The following SPOCK3 variants were observed in gnomAD, a reference collection of about 807,000 sequenced individuals.
The protein encoded by SPOCK3 is SPARC (osteonectin), cwcv and kazal like domains proteoglycan 3.
Under a neutral mutation model 56.6 loss-of-function variants are expected in SPOCK3, and 30 were observed. That is an observed-to-expected ratio of 0.53 (90% CI 0.40 to 0.72). SPOCK3 has a LOEUF of 0.72. SPOCK3 is among the 30% of genes least tolerant of loss of function. The pLI, the probability that SPOCK3 is intolerant of heterozygous loss-of-function variation, is 0.00. For missense variants in SPOCK3, 527 were observed against 530.0 expected, an observed-to-expected ratio of 0.99 and a Z score of 0.06; for synonymous variants, 196 against 183.3, an observed-to-expected ratio of 1.07 and a Z score of -0.56.
rs184706510 is a variant in SPOCK3 at position 166,977,231 on chromosome 4, T to C, written c.350+23118A>G. ...GGTTTATAATTTATTTATAATCATG[T>C]TGTATTTAATAGAGATGTACAAGTT... is the stretch of plus-strand genomic sequence containing the variant. On this transcript the variant is annotated intron_variant, in intron 4 of 10. Coordinates refer to ENST00000357545, the MANE Select transcript of SPOCK3 (RefSeq NM_001040159.2). Among the ~76,000 whole-genome samples, 4 of 152,242 alleles carry C rather than the reference T, an allele frequency of 2.6e-5. No homozygotes were observed. The East Asian group carries it at 7.7e-4, about 29-fold the overall frequency.
intron 3 of SPOCK3, among the ~76,000 whole-genome samples, chr4:167,033,670 A>C (rs2150185453): frequency 6.6e-6 from 1 of 152,056 alleles, no homozygotes; most frequent in Non-Finnish European, 1.5e-5. Flanking sequence ...GTATTCCCAA[A>C]ACACATGAAT....
At position 167,009,372 on chromosome 4, in the gene SPOCK3, T is replaced by C. The variant is rs1397386945; in HGVS notation, c.236-8909A>G. Among the ~76,000 whole-genome samples, 7 of 152,034 alleles carry C rather than the reference T, an allele frequency of 4.6e-5. No homozygotes were observed. The East Asian group carries it at 1.4e-3, about 29-fold the overall frequency. On this transcript the variant is annotated intron_variant, in intron 3 of 10. Coordinates refer to ENST00000357545, the MANE Select transcript of SPOCK3 (RefSeq NM_001040159.2). ...GCCCAGCAACTAACCAAAATAAACA[T>C]AAAATTGCAAGTGTATCCAGACACT...
At chr4:166,766,206 C>T (rs1040083898) in intron 7 of SPOCK3, among the ~76,000 whole-genome samples, 2 of 152,288 alleles carry the variant, frequency 1.3e-5, no homozygotes, top group South Asian at 4.1e-4. Context: ...TTGCCCTGGC[C>T]TGAAATTCCA....
intron 4 of SPOCK3, among the ~76,000 whole-genome samples, chr4:166,944,536 C>CT (rs1352337218): frequency 6.6e-6 from 1 of 151,926 alleles, no homozygotes; most frequent in Non-Finnish European, 1.5e-5. Flanking sequence ...CTTCAGTGTT[C>CT]TTTTTTTCTT....
At chr4:166,740,609 T>A (rs1734741506) in intron 9 of SPOCK3, among the ~76,000 whole-genome samples, 1 of 151,814 alleles carries the variant, frequency 6.6e-6, no homozygotes, top group Non-Finnish European at 1.5e-5. Context: ...CACTGCAACA[T>A]CTTCCTCCCC....
intron 8 of SPOCK3, among the ~76,000 whole-genome samples, chr4:166,750,944 AT>A (rs937071504): frequency 1.1e-4 from 17 of 152,182 alleles, no homozygotes; most frequent in Non-Finnish European, 2.2e-4. Flanking sequence ...AGTTGGCAGC[AT>A]ATGGCTGCAC....
At chr4:167,151,759 A>G (rs1048723764) in intron 2 of SPOCK3, among the ~76,000 whole-genome samples, 1 of 152,084 alleles carries the variant, frequency 6.6e-6, no homozygotes, top group African/African-American at 2.4e-5. Context: ...CTTAATTTCA[A>G]TGTCATAGAA....
At chr4:166,819,356 A>T (rs886461195) in intron 6 of SPOCK3, among the ~76,000 whole-genome samples, 4 of 152,060 alleles carry the variant, frequency 2.6e-5, no homozygotes, top group Non-Finnish European at 2.9e-5. Context: ...CAACATAGTG[A>T]TGGGGCTTTC....
intron 2 of SPOCK3, among the ~76,000 whole-genome samples, chr4:167,202,604 C>A: frequency 6.6e-6 from 1 of 151,794 alleles, no homozygotes; most frequent in East Asian, 1.9e-4. Flanking sequence ...ATAATTCTCC[C>A]TCTGATTTTT....
intron 5 of SPOCK3, among the ~76,000 whole-genome samples, chr4:166,901,569 T>C (rs367740940): frequency 6.6e-6 from 1 of 152,190 alleles, no homozygotes; most frequent in South Asian, 2.1e-4. Flanking sequence ...CACAGTCCAC[T>C]GACCAGATAT....
chr4:166,768,858 C>G (rs1190447850), intron 7 of SPOCK3, among the ~76,000 whole-genome samples: 1 of 152,124 alleles, frequency 6.6e-6, no homozygotes. Flanking sequence ...TCACATAGTC[C>G]CATATTTGTT....
intron 2 of SPOCK3, among the ~76,000 whole-genome samples, chr4:167,087,941 A>G (rs923076149): frequency 6.6e-6 from 1 of 152,142 alleles, no homozygotes; most frequent in South Asian, 2.1e-4. Context: ...TTATGGAACC[A>G]GAAAAAGATG....
chr4:166,789,509 A>G, intron 7 of SPOCK3, among the ~76,000 whole-genome samples: 1 of 152,136 alleles, frequency 6.6e-6, no homozygotes, highest in Non-Finnish European at 1.5e-5. Flanking sequence ...AAAAATCAAA[A>G]CCAAACTATG....
chr4:167,219,415 AAGCAAAAGTG>A (rs992178583), intron 2 of SPOCK3, among the ~76,000 whole-genome samples: 1 of 152,222 alleles, frequency 6.6e-6, no homozygotes, highest in Non-Finnish European at 1.5e-5. Flanking sequence ...GGTAATAGAA[AAGCAAAAGTG>A]AGCTGTGATT....
At chr4:167,173,448 A>G (rs1317860934) in intron 2 of SPOCK3, among the ~76,000 whole-genome samples, 2 of 152,154 alleles carry the variant, frequency 1.3e-5, no homozygotes, top group Non-Finnish European at 2.9e-5. Context: ...AAGAAGTGTT[A>G]GTCTTTTTCC....
chr4:166,911,651 C>T, intron 5 of SPOCK3, among the ~76,000 whole-genome samples: 1 of 152,170 alleles, frequency 6.6e-6, no homozygotes, highest in East Asian at 1.9e-4. Context: ...CATTCTTCTG[C>T]CTCAGCCTCC....
Position 167,234,000 on chromosome 4 carries a change from C to T in SPOCK3, c.174G>A (p.Trp58Ter). 1 of 1,613,690 alleles carries T rather than the reference C, an allele frequency of 6.2e-7. No individual in the cohort carries two copies. The highest frequency in any genetic ancestry group is 8.5e-7 in the Non-Finnish European group (1 of 1,179,680). The change falls in exon 2 of 11, where the codon TGG becomes TGA. Residue 58 changes from tryptophan (W) to a stop codon, truncating the protein, a stop_gained. Coordinates refer to ENST00000357545, the MANE Select transcript of SPOCK3 (RefSeq NM_001040159.2). LOFTEE classifies it high-confidence loss of function. Reference sequence around the variant, plus strand: ...CGGAACTTACGTCTCGGAATTTGTTCCACTGTCCGACTTCCTTGTCATACT... The same window carrying T: ...CGGAACTTACGTCTCGGAATTTGTTTCACTGTCCGACTTCCTTGTCATACT... ...ISQYDKEVGQ[W>*]NKFRDDDYFR...
chr4:166,865,038 A>T (rs533139477), intron 6 of SPOCK3, among the ~76,000 whole-genome samples: 1 of 152,290 alleles, frequency 6.6e-6, no homozygotes, highest in Admixed American at 6.5e-5. Flanking sequence ...TCCCTAATAA[A>T]ACACTGGCAA....
At chr4:167,084,267 T>G (rs1411850521) in intron 2 of SPOCK3, among the ~76,000 whole-genome samples, 1 of 152,096 alleles carries the variant, frequency 6.6e-6, no homozygotes, top group Non-Finnish European at 1.5e-5. Flanking sequence ...GAAATCATAA[T>G]CTCTGTCAAC....
Sources: allele counts gnomAD v4.1 joint callset (sites outside exome capture counted in the v4.1 genomes callset), GRCh38; gene constraint gnomAD v4.1.1; transcripts MANE v1.5; gene names NCBI Gene and HGNC (gene_info 2026-07-23, HGNC 2026-07-21).